The following PLXNA4 variants were observed in gnomAD, a reference collection of about 807,000 sequenced individuals.
The protein encoded by PLXNA4 is plexin A4.
A neutral mutation model predicts 191.8 loss-of-function variants in PLXNA4; 44 were observed. The observed-to-expected ratio is 0.23, with a 90% CI of 0.18 to 0.29. The LOEUF (loss-of-function observed/expected upper bound fraction) is 0.29, where lower values mean the gene tolerates loss of function less well. Among genes scored for constraint, PLXNA4 ranks in the 10% least tolerant of loss-of-function variants. PLXNA4 has a pLI of 1.00. For synonymous variants in PLXNA4, 1,082 were observed against 1,009.5 expected, an observed-to-expected ratio of 1.07 and a Z score of -1.36; for missense variants, 1,800 against 2,488.8, an observed-to-expected ratio of 0.72 and a Z score of 5.89.
chr7:132,204,891 G>A (rs772553205), intron 10 of PLXNA4, among the ~76,000 whole-genome samples: 8 of 152,198 alleles, frequency 5.3e-5, no homozygotes, highest in South Asian at 2.1e-4. Context: ...AGCAACCACG[G>A]GGGGATGTAC....
At chr7:132,498,822 T>G (rs1798133793) in intron 2 of PLXNA4, among the ~76,000 whole-genome samples, 1 of 151,940 alleles carries the variant, frequency 6.6e-6, no homozygotes, top group African/African-American at 2.4e-5. Context: ...TTTTAGGAGG[T>G]GGGGCTGGGG....
Position 132,127,058 on chromosome 7 carries a change from CTG to C in PLXNA4, c.*3419_*3420del, listed in dbSNP as rs1466213800. 1.3e-5 allele frequency: 2 copies of C among 152,194 alleles called. No homozygotes were observed. The highest frequency in any genetic ancestry group is 2.9e-5 in the Non-Finnish European group (2 of 68,092). 9.4% of individuals were successfully genotyped at this position (152,194 alleles called of 1,614,324 possible). On this transcript the variant is annotated 3_prime_UTR_variant, in exon 32 of 32. Coordinates refer to ENST00000321063, the MANE Select transcript of PLXNA4 (RefSeq NM_020911.2). ...CAGGAGAAATGACCAGCCTACCACT[CTG>C]TTTCTTGTCTTCCTCTACTTATTCC...
intron 20 of PLXNA4, among the ~76,000 whole-genome samples, chr7:132,178,468 C>A (rs1442200179): frequency 6.6e-6 from 1 of 152,204 alleles, no homozygotes; most frequent in African/African-American, 2.4e-5. Flanking sequence ...ACATTCAAAG[C>A]TGTGTGCCTG....
At chr7:132,533,019 C>A (rs1799685487) in intron 1 of PLXNA4, among the ~76,000 whole-genome samples, 1 of 152,204 alleles carries the variant, frequency 6.6e-6, no homozygotes, top group East Asian at 1.9e-4. Context: ...TTGCCACCAC[C>A]ACAAATCCCT....
At chr7:132,232,812 A>G (rs1325857001) in intron 5 of PLXNA4, among the ~76,000 whole-genome samples, 2 of 152,152 alleles carry the variant, frequency 1.3e-5, no homozygotes, top group Non-Finnish European at 2.9e-5. Flanking sequence ...TTAATTCCCA[A>G]ATACAGCGAT....
chr7:132,151,577 A>AGG (rs142538155), intron 25 of PLXNA4, among the ~76,000 whole-genome samples: 1 of 33,624 alleles, frequency 3.0e-5, no homozygotes, highest in African/African-American at 9.4e-5. Flanking sequence ...GAGGAGGAGA[A>AGG]AGGAGGAGGA....
chr7:132,549,853 T>C (rs1800480252), intron 1 of PLXNA4, among the ~76,000 whole-genome samples: 1 of 152,202 alleles, frequency 6.6e-6, no homozygotes, highest in African/African-American at 2.4e-5. Context: ...GCTCAGCTTA[T>C]TTTTGTGGAT....
At chr7:132,576,704 G>A (rs1034104910), upstream of PLXNA4, 16 of 590,236 alleles carry the variant, frequency 2.7e-5, no homozygotes, top group Non-Finnish European at 3.4e-5. The surrounding 1 kb of genome is among the most constrained non-coding windows in gnomAD (Gnocchi z 5.8). Context: ...GGAAAATGGG[G>A]ATCGATTCCG....
chr7:132,501,077 A>G (rs1374320331), intron 2 of PLXNA4, among the ~76,000 whole-genome samples: 2 of 148,246 alleles, frequency 1.3e-5, no homozygotes, highest in African/African-American at 5.0e-5. Flanking sequence ...TGGCAGGGTT[A>G]TCTCACACTG....
At chr7:132,321,756 G>A (rs574244600) in intron 3 of PLXNA4, among the ~76,000 whole-genome samples, 2 of 152,284 alleles carry the variant, frequency 1.3e-5, no homozygotes, top group Non-Finnish European at 2.9e-5. Flanking sequence ...GTGGGGAGGG[G>A]CAAAAAGGAG....
chr7:132,180,866 C>CA (rs1198530835), intron 18 of PLXNA4, 134 bp from the exon 19 acceptor site: 19 of 1,390,644 alleles, frequency 1.4e-5, no homozygotes, highest in Non-Finnish European at 1.7e-5. Flanking sequence ...GTAATAAGTG[C>CA]AAAAAATATT....
In PLXNA4 at chr7:132,176,667, T is replaced by C. The variant is rs1193064835; in HGVS notation, c.3875-1747A>G. The stretch of plus-strand genomic sequence containing the variant: ...GTGTAGGCATGTGCAAGTGTGAATG[T>C]CAGTGTGTATGCATGTGTGAATGTG... On this transcript the variant is annotated intron_variant, in intron 20 of 31. Transcript: ENST00000321063. Among the ~76,000 whole-genome samples, 6 of 152,218 alleles carry C rather than the reference T, an allele frequency of 3.9e-5. No homozygotes were observed. In the South Asian group the frequency reaches 1.0e-3, roughly 26 times the overall value.
At chr7:132,191,118 G>A (rs549673317) in intron 14 of PLXNA4, among the ~76,000 whole-genome samples, 1 of 152,158 alleles carries the variant, frequency 6.6e-6, no homozygotes, top group African/African-American at 2.4e-5. Flanking sequence ...GAAGCAGACA[G>A]AGGAGCCTGG....
intron 3 of PLXNA4, among the ~76,000 whole-genome samples, chr7:132,325,472 T>C (rs1802322503): frequency 6.6e-6 from 1 of 152,186 alleles, no homozygotes; most frequent in Non-Finnish European, 1.5e-5. Flanking sequence ...TGACTTTACT[T>C]GGAAATAGAA....
At chr7:132,187,730 C>G in intron 14 of PLXNA4, 123 bp from the exon 15 acceptor site, 1 of 1,449,528 alleles carries the variant, frequency 6.9e-7, no homozygotes. Context: ...ACAGTGGTCT[C>G]CCAGAGAACC....
At chr7:132,605,745 A>G (rs1020451076) in intron 2 of PLXNA4, among the ~76,000 whole-genome samples, 1 of 151,998 alleles carries the variant, frequency 6.6e-6, no homozygotes, top group Non-Finnish European at 1.5e-5. Context: ...TTGAGCAGAG[A>G]TCAGACTGGA....
chr7:132,513,612 T>A (rs1031973885), intron 1 of PLXNA4, among the ~76,000 whole-genome samples: 4 of 152,066 alleles, frequency 2.6e-5, no homozygotes, highest in Non-Finnish European at 5.9e-5. Context: ...AAAATTCACG[T>A]CACAACACAC....
At chr7:132,489,504 A>T in intron 2 of PLXNA4, 30 bp from the exon 3 acceptor site, 1 of 1,510,226 alleles carries the variant, frequency 6.6e-7, no homozygotes, top group Admixed American at 1.8e-5. Flanking sequence ...AAAAATTAGA[A>T]GGGAGCGTCA....
intron 1 of PLXNA4, among the ~76,000 whole-genome samples, chr7:132,646,711 C>T (rs574729221): frequency 9.5e-4 from 144 of 152,196 alleles, no homozygotes; most frequent in Admixed American, 2.6e-3. Context: ...CTGAGCCCTA[C>T]TGGTGGGCTC....
Sources: allele counts gnomAD v4.1 joint callset (sites outside exome capture counted in the v4.1 genomes callset), GRCh38; gene constraint gnomAD v4.1.1; non-coding constraint Gnocchi (gnomAD v3.1); transcripts MANE v1.5; gene names NCBI Gene and HGNC (gene_info 2026-07-23, HGNC 2026-07-21).